Variants in GALNT14 observed in about 807,000 individuals in gnomAD.
GALNT14 encodes UDP-GalNAc:polypeptide N-acetylgalactosaminyltransferase 14.
A neutral mutation model predicts 77.5 loss-of-function variants in GALNT14; 60 were observed. The observed-to-expected ratio is 0.77, with a 90% CI of 0.63 to 0.96. The LOEUF (loss-of-function observed/expected upper bound fraction) is 0.96. GALNT14 is among the 40% of genes least tolerant of loss of function. The pLI, the probability that GALNT14 is intolerant of heterozygous loss-of-function variation, is 0.00. For synonymous variants in GALNT14, 280 were observed against 281.7 expected (o/e 0.99, Z 0.06); for missense variants, 710 against 731.0 (o/e 0.97, Z 0.33).
chr2:30,938,699 G>A (rs991744270), intron 9 of GALNT14, among the ~76,000 whole-genome samples: 1 of 152,206 alleles, frequency 6.6e-6, no homozygotes, highest in Non-Finnish European at 1.5e-5. Context: ...CATGGCCATG[G>A]CAGCCAATCC....
At chr2:30,886,947 G>T in the GALNT14 span, among the ~76,000 whole-genome samples, 1 of 152,146 alleles carries the variant, frequency 6.6e-6, no homozygotes, top group Non-Finnish European at 1.5e-5. Flanking sequence ...TTTGCCTTCT[G>T]TCTTCATGGA....
At chr2:30,957,181 T>C (rs1667418310) in intron 4 of GALNT14, among the ~76,000 whole-genome samples, 1 of 152,138 alleles carries the variant, frequency 6.6e-6, no homozygotes, top group Non-Finnish European at 1.5e-5. Context: ...CAGAAAAGAC[T>C]TACACAGGCT....
intron 2 of GALNT14, among the ~76,000 whole-genome samples, chr2:30,989,756 T>A (rs1231178480): frequency 1.4e-5 from 2 of 147,398 alleles, no homozygotes; most frequent in African/African-American, 5.0e-5. Context: ...AAAACTGAAT[T>A]AGGTAGGATC....
chr2:31,066,102 AGAG>A (rs1029998241), intron 1 of GALNT14, among the ~76,000 whole-genome samples: 2 of 152,212 alleles, frequency 1.3e-5, no homozygotes, highest in African/African-American at 4.8e-5. Flanking sequence ...GTAGGTGCCC[AGAG>A]GAGGAGGCAT....
intron 1 of GALNT14, chr2:31,125,079 C>A (rs1375059328): frequency 9.5e-7 from 1 of 1,054,884 alleles, no homozygotes; most frequent in Non-Finnish European, 1.4e-6. Context: ...ATCATCCTAC[C>A]CACAGTACCC....
At chr2:31,125,369 T>C (rs375496938) in intron 1 of GALNT14, 2 of 769,432 alleles carry the variant, frequency 2.6e-6, no homozygotes, top group African/African-American at 3.5e-5. Context: ...AGGAAAGATC[T>C]GGATCCAGCC....
intron 1 of GALNT14, among the ~76,000 whole-genome samples, chr2:31,109,795 C>T (rs1266124279): frequency 2.6e-5 from 4 of 152,132 alleles, no homozygotes; most frequent in African/African-American, 7.2e-5. Context: ...TGTCTAAATG[C>T]AGACAAAGCT....
At chr2:31,120,672 T>C (rs1358199599) in intron 1 of GALNT14, among the ~76,000 whole-genome samples, 2 of 152,316 alleles carry the variant, frequency 1.3e-5, no homozygotes, top group East Asian at 3.9e-4. Context: ...TTCTCCTGCC[T>C]CAGCCTCCTG....
chr2:30,989,581 T>TATATAA (rs1384068782), intron 2 of GALNT14, among the ~76,000 whole-genome samples: 7 of 108,180 alleles, frequency 6.5e-5, no homozygotes, highest in Non-Finnish European at 1.0e-4. Context: ...TATATATATA[T>TATATAA]AAAAATATAT....
intron 1 of GALNT14, among the ~76,000 whole-genome samples, chr2:31,050,357 G>C (rs1431846586): frequency 2.0e-5 from 3 of 152,184 alleles, no homozygotes; most frequent in African/African-American, 4.8e-5. Flanking sequence ...AGAAGGTAGA[G>C]AGCCCTGGGT....
chr2:31,074,510 C>G (rs1458097695), intron 1 of GALNT14, among the ~76,000 whole-genome samples: 1 of 152,000 alleles, frequency 6.6e-6, no homozygotes, highest in Non-Finnish European at 1.5e-5. Context: ...CTGGGCTGGG[C>G]TCACTCATGC....
At chr2:31,123,892 TCCA>T (rs1678547865) in intron 1 of GALNT14, among the ~76,000 whole-genome samples, 1 of 152,118 alleles carries the variant, frequency 6.6e-6, no homozygotes, top group Non-Finnish European at 1.5e-5. Flanking sequence ...TGCAGTTCCT[TCCA>T]CCATTAAACA....
Position 30,910,810 on chromosome 2 carries a change from G to A in GALNT14, c.*91C>T. 2.1e-6 allele frequency: 3 copies of A among 1,402,294 alleles called. No individual in the cohort carries two copies. Among genetic ancestry groups the A allele is most frequent in the Non-Finnish European group, 2.9e-6 (3 of 1,023,688 alleles). The allele number at this position is 1,402,294 out of a possible 1,614,324, so 86.9% of individuals were successfully genotyped here. The stretch of plus-strand genomic sequence containing the variant: ...CACCTCCCAGTCCAGGATGTCTGAG[G>A]TGGTTGCAGGCTGCTTGCTGCCCAG... On this transcript the variant is annotated 3_prime_UTR_variant, in exon 15 of 15. Coordinates refer to ENST00000349752, the MANE Select transcript of GALNT14 (RefSeq NM_024572.4).
intron 13 of GALNT14, among the ~76,000 whole-genome samples, chr2:30,919,071 G>A (rs1313653471): frequency 6.6e-6 from 1 of 152,144 alleles, no homozygotes; most frequent in Non-Finnish European, 1.5e-5. Flanking sequence ...GTAAAAGGAC[G>A]AGCTAAAAAT....
chr2:30,979,537 A>T (rs1668857428), intron 2 of GALNT14, among the ~76,000 whole-genome samples: 1 of 152,196 alleles, frequency 6.6e-6, no homozygotes, highest in African/African-American at 2.4e-5. Context: ...GGCCACGGTT[A>T]TCATGAGAGT....
At chr2:31,046,136 A>C (rs1673440445) in intron 1 of GALNT14, among the ~76,000 whole-genome samples, 1 of 152,234 alleles carries the variant, frequency 6.6e-6, no homozygotes, top group Admixed American at 6.5e-5. Flanking sequence ...TTTACATATA[A>C]AAAAGAAAAA....
the GALNT14 span, among the ~76,000 whole-genome samples, chr2:30,891,594 AACCCT>A: frequency 5.5e-4 from 84 of 152,340 alleles, no homozygotes; most frequent in Middle Eastern, 0.02. Flanking sequence ...TGCAGTCATG[AACCCT>A]AGTTCTGTCT....
intron 1 of GALNT14, among the ~76,000 whole-genome samples, chr2:31,113,590 G>A (rs1403835159): frequency 6.6e-6 from 1 of 152,134 alleles, no homozygotes; most frequent in Non-Finnish European, 1.5e-5. Flanking sequence ...TTCTGGTGCT[G>A]CAAGGAACCA....
At chr2:31,028,533 A>G (rs4951959) in intron 1 of GALNT14, among the ~76,000 whole-genome samples, 64,620 of 152,134 alleles carry the variant, frequency 0.42, 13,871 homozygotes, top group East Asian at 0.55. Context: ...TAGAGCCGCC[A>G]CCACCTGCCC....
Sources: allele counts gnomAD v4.1 joint callset (sites outside exome capture counted in the v4.1 genomes callset), GRCh38; gene constraint gnomAD v4.1.1; transcripts MANE v1.5; gene names NCBI Gene and HGNC (gene_info 2026-07-23, HGNC 2026-07-21).